The following STK3 variants were observed in gnomAD, a reference collection of about 807,000 sequenced individuals.
STK3 encodes serine/threonine-protein kinase 3.
STK3 carries 41 observed loss-of-function variants against 58.0 expected under a neutral mutation model. The ratio of observed to expected loss-of-function variants is 0.71; its 90% CI spans 0.55 to 0.92. STK3 has a LOEUF of 0.92. Ranked by LOEUF, STK3 falls within the 40% of genes least tolerant of loss-of-function variation. The pLI, the probability that STK3 is intolerant of heterozygous loss-of-function variation, is 0.00. For synonymous variants in STK3, 170 were observed against 191.0 expected (o/e 0.89, Z 0.91); for missense variants, 479 against 602.7 (o/e 0.79, Z 2.15).
chr8:98,692,505 T>C (rs1381342859), intron 6 of STK3, among the ~76,000 whole-genome samples: 3 of 152,134 alleles, frequency 2.0e-5, no homozygotes, highest in Admixed American at 6.6e-5. Flanking sequence ...ATATGAAATA[T>C]TTAGAACAGT....
intron 10 of STK3, among the ~76,000 whole-genome samples, chr8:98,491,162 CGAGAGAGAGAGAGAGAGAGA>C (rs61704241): frequency 1.4e-5 from 2 of 142,844 alleles, no homozygotes; most frequent in Non-Finnish European, 1.5e-5. Context: ...AAAATAAACA[CGAGAGAGAGAGAGAGAGAGA>C]GAGAGAGAGA....
At chr8:98,394,770 CT>C (rs1817882770) in intron 3 of STK3, among the ~76,000 whole-genome samples, 1 of 152,220 alleles carries the variant, frequency 6.6e-6, no homozygotes, top group Non-Finnish European at 1.5e-5. Flanking sequence ...TACTAAGTTA[CT>C]GTGGCAAAGA....
intron 4 of STK3, among the ~76,000 whole-genome samples, chr8:98,744,005 G>A (rs964002227): frequency 1.3e-5 from 2 of 152,024 alleles, no homozygotes; most frequent in Admixed American, 1.3e-4. Context: ...GGCCATCAGA[G>A]AAATGCAAAT....
chr8:98,578,784 T>C (rs564441422), intron 8 of STK3, among the ~76,000 whole-genome samples: 1 of 152,312 alleles, frequency 6.6e-6, no homozygotes, highest in South Asian at 2.1e-4. Flanking sequence ...TATTCTCCTC[T>C]ATATCTTTAT....
At chr8:98,809,750 G>T (rs1028956673) in intron 1 of STK3, among the ~76,000 whole-genome samples, 2 of 152,172 alleles carry the variant, frequency 1.3e-5, no homozygotes, top group Non-Finnish European at 2.9e-5. Flanking sequence ...TGGTGGACAC[G>T]TGAGTTGCTT....
At chr8:98,514,211 G>A (rs1467982167) in intron 10 of STK3, among the ~76,000 whole-genome samples, 1 of 152,016 alleles carries the variant, frequency 6.6e-6, no homozygotes, top group African/African-American at 2.4e-5. Flanking sequence ...GGTGGGGAAG[G>A]ATCAAGTGAG....
chr8:98,490,136 A>G (rs1822575610), intron 10 of STK3, among the ~76,000 whole-genome samples: 1 of 152,200 alleles, frequency 6.6e-6, no homozygotes, highest in African/African-American at 2.4e-5. Flanking sequence ...CCTTAGTTAC[A>G]GATCTTTTAT....
At chr8:98,441,727 C>T (rs1818703494) in intron 1 of STK3, among the ~76,000 whole-genome samples, 1 of 152,214 alleles carries the variant, frequency 6.6e-6, no homozygotes, top group African/African-American at 2.4e-5. Flanking sequence ...CCCCTCTTGG[C>T]TTCCAACTCC....
At chr8:98,462,524 T>G (rs1165771187) in intron 10 of STK3, among the ~76,000 whole-genome samples, 1 of 152,182 alleles carries the variant, frequency 6.6e-6, no homozygotes, top group African/African-American at 2.4e-5. Context: ...ATGCTGTATT[T>G]ATTTTAAAAA....
rs540606310 is a variant in STK3 at position 98,621,281 on chromosome 8, G to A, written c.685-25112C>T. ...ATCTTGCATCTTGAAACCTTGTTGC[G>A]CTTACTCATTAATTCTATGAGTTTA... On this transcript the variant is annotated intron_variant, in intron 6 of 10. Coordinates refer to ENST00000419617, the MANE Select transcript of STK3 (RefSeq NM_006281.4). Among the ~76,000 whole-genome samples the A allele has an allele frequency of 1.1e-3, 171 of 152,236 alleles. 1 individual carries two copies. Among genetic ancestry groups the A allele is most frequent in the Non-Finnish European group, 1.9e-3 (126 of 68,014 alleles).
intron 7 of STK3, among the ~76,000 whole-genome samples, chr8:98,580,365 A>T (rs914672315): frequency 6.6e-6 from 1 of 152,188 alleles, no homozygotes; most frequent in African/African-American, 2.4e-5. Context: ...AAAAAATATC[A>T]CCCTGATCTA....
chr8:98,916,650 C>G (rs1308701419), intron 1 of STK3, among the ~76,000 whole-genome samples: 1 of 152,106 alleles, frequency 6.6e-6, no homozygotes, highest in Admixed American at 6.5e-5. Flanking sequence ...AATACATTAC[C>G]TAAGTTATTA....
At chr8:98,705,451 A>G (rs530666061) in intron 6 of STK3, among the ~76,000 whole-genome samples, 4 of 152,290 alleles carry the variant, frequency 2.6e-5, no homozygotes, top group Admixed American at 2.0e-4. Flanking sequence ...AAATGTTTCA[A>G]TACAGCAGAC....
intron 4 of STK3, among the ~76,000 whole-genome samples, chr8:98,732,594 A>G (rs1233042124): frequency 6.6e-6 from 1 of 152,224 alleles, no homozygotes; most frequent in Non-Finnish European, 1.5e-5. Flanking sequence ...ATCATGAAGA[A>G]GACAGTTTAG....
chr8:98,905,033 A>G, intron 1 of STK3: 1 of 888,580 alleles, frequency 1.1e-6, no homozygotes, highest in Non-Finnish European at 1.9e-6. Flanking sequence ...CATCGTTGTA[A>G]TACCTGGATT....
intron 6 of STK3, among the ~76,000 whole-genome samples, chr8:98,701,301 T>C (rs979776052): frequency 3.3e-5 from 5 of 152,138 alleles, no homozygotes; most frequent in African/African-American, 1.2e-4. Context: ...CATCTCCTGA[T>C]TTAAAATATA....
chr8:98,757,509 C>T (rs1830363598), intron 3 of STK3, among the ~76,000 whole-genome samples: 2 of 149,210 alleles, frequency 1.3e-5, no homozygotes, highest in Non-Finnish European at 3.0e-5. Context: ...GCAGGAGAAT[C>T]TCTTGAACCC....
At chr8:98,475,869 G>A (rs144192390) in intron 10 of STK3, among the ~76,000 whole-genome samples, 1 of 152,280 alleles carries the variant, frequency 6.6e-6, no homozygotes, top group East Asian at 1.9e-4. Flanking sequence ...TTCTGCCTAT[G>A]ACCTTCTCAG....
At chr8:98,824,157 T>C (rs905600178) in intron 1 of STK3, among the ~76,000 whole-genome samples, 11 of 152,230 alleles carry the variant, frequency 7.2e-5, no homozygotes, top group Non-Finnish European at 4.4e-5. Context: ...AAAAATGCTT[T>C]TGCGGCATTT....
Sources: gnomAD v4.1 joint callset for allele counts (sites outside exome capture counted in the v4.1 genomes callset) on GRCh38, gnomAD v4.1.1 for gene constraint, MANE v1.5 for transcripts, NCBI Gene and HGNC (gene_info 2026-07-23, HGNC 2026-07-21) for gene names.